Variants in XYLT1 observed in about 807,000 individuals in gnomAD.
XYLT1 encodes beta-D-xylosyltransferase 1.
In XYLT1, 36 loss-of-function variants were observed where a neutral mutation model predicts 91.3. The ratio of observed to expected loss-of-function variants is 0.39; its 90% CI spans 0.30 to 0.52. XYLT1 has a LOEUF of 0.52. Among genes scored for constraint, XYLT1 ranks in the 20% least tolerant of loss-of-function variants. The probability of loss-of-function intolerance (pLI) is 0.68; values close to 1 mark genes in which losing one functional copy is unlikely to be tolerated. For synonymous variants in XYLT1, 588 were observed against 532.0 expected (o/e 1.11, Z -1.45); for missense variants, 1,242 against 1,284.5 (o/e 0.97, Z 0.51).
rs1217863149 is a variant in XYLT1 at position 17,108,750 on chromosome 16, C to A, written c.2825G>T (p.Ser942Ile). 1.2e-6 allele frequency: 2 copies of A among 1,605,964 alleles called. No homozygotes were observed. The highest frequency in any genetic ancestry group is 1.7e-6 in the Non-Finnish European group (2 of 1,178,728). The change falls in exon 12 of 12, where the codon AGC becomes ATC. Residue 942 changes from serine (S) to isoleucine (I), a missense_variant. By Grantham distance (142) the Ser-to-Ile change is moderately radical. Coordinates refer to ENST00000261381, the MANE Select transcript of XYLT1 (RefSeq NM_022166.4). ...CCCCAGCTCCGACTTGGGGTCAGGG[C>A]TGAAGGAGCTCCAGGCCGTCTGGCT... ...TCSQTAWSSF[S>I]PDPKSELGAV...
rs377097003 is a variant in XYLT1, at chr16:17,138,493, G to A, written c.1626C>T (p.Cys542=). 552 of 1,614,092 alleles carry A rather than the reference G, an allele frequency of 3.4e-4. 6 individuals carry two copies. In the South Asian group the frequency reaches 4.7e-3, roughly 14 times the overall value. The change falls in exon 8 of 12, where the codon TGC becomes TGT. Residue 542 remains cysteine (C), a synonymous_variant. Transcript: ENST00000261381. ...FHTVLENSPH[C]DTMVDNNLRI... is the part of the protein sequence containing the mutation. ...GCAGGTTGTTGTCCACCATGGTGTCGCAGTGGGGGCTGTTCTCCAGGACCG... is the reference window on the plus strand; with the variant it reads ...GCAGGTTGTTGTCCACCATGGTGTCACAGTGGGGGCTGTTCTCCAGGACCG...
intron 1 of XYLT1, among the ~76,000 whole-genome samples, chr16:17,378,126 C>T (rs900784001): frequency 2.6e-5 from 4 of 151,926 alleles, no homozygotes; most frequent in Admixed American, 1.3e-4. Context: ...AATAAATGTT[C>T]GAGAATGAAA....
chr16:17,310,624 G>A (rs1489082721), intron 2 of XYLT1, among the ~76,000 whole-genome samples: 1 of 152,206 alleles, frequency 6.6e-6, no homozygotes, highest in Non-Finnish European at 1.5e-5. Context: ...GCCAGGGCAG[G>A]TGGATCATGA....
At position 17,307,767 on chromosome 16, in the gene XYLT1, C is replaced by T. The variant is rs1305674969; in HGVS notation, c.403-48269G>A. On this transcript the variant is annotated intron_variant, in intron 2 of 11. Coordinates refer to ENST00000261381, the MANE Select transcript of XYLT1 (RefSeq NM_022166.4). Reference sequence around the variant, plus strand: ...TCCATACCCAGGGCCTTCCTGCACCCCAGGAGGCAGAGTCTATAAATGGAA... The same window carrying T: ...TCCATACCCAGGGCCTTCCTGCACCTCAGGAGGCAGAGTCTATAAATGGAA... 7.2e-5 allele frequency among the ~76,000 whole-genome samples: 11 copies of T among 152,144 alleles called. No homozygotes were observed. In the East Asian group the frequency reaches 2.1e-3, roughly 29 times the overall value.
At chr16:17,230,277 C>G (rs1012251948) in intron 3 of XYLT1, among the ~76,000 whole-genome samples, 3 of 152,172 alleles carry the variant, frequency 2.0e-5, no homozygotes, top group African/African-American at 7.2e-5. Context: ...CCCAACTGTC[C>G]TTCCCATGAT....
chr16:17,308,469 C>T (rs2034498809), intron 2 of XYLT1, among the ~76,000 whole-genome samples: 1 of 152,210 alleles, frequency 6.6e-6, no homozygotes, highest in Non-Finnish European at 1.5e-5. Context: ...TTCCTCTCCT[C>T]ACCCAGCTCC....
chr16:17,211,587 T>A (rs2032758067), intron 3 of XYLT1, among the ~76,000 whole-genome samples: 1 of 152,154 alleles, frequency 6.6e-6, no homozygotes, highest in Admixed American at 6.5e-5. Flanking sequence ...TTATCCCCAT[T>A]TATAGATAAT....
intron 3 of XYLT1, among the ~76,000 whole-genome samples, chr16:17,225,470 G>A (rs956739916): frequency 2.6e-5 from 4 of 152,230 alleles, no homozygotes; most frequent in East Asian, 3.9e-4. Context: ...AGCAGACCCT[G>A]CTGGTCTGGC....
intron 1 of XYLT1, among the ~76,000 whole-genome samples, chr16:17,435,784 A>G (rs1327554095): frequency 6.6e-6 from 1 of 152,204 alleles, no homozygotes; most frequent in African/African-American, 2.4e-5. Flanking sequence ...CTTTATTTTC[A>G]TCTTACATCA....
rs956965696 is a variant in XYLT1, at chr16:17,138,485, A to G, written c.1634T>C (p.Met545Thr). 2.5e-6 allele frequency: 4 copies of G among 1,614,078 alleles called. No individual in the cohort carries two copies. Among genetic ancestry groups the G allele is most frequent in the Admixed American group, 3.3e-5 (2 of 60,022 alleles). Residue 545 changes from methionine (M) to threonine (T), a missense_variant, in exon 8 of 12, where the codon ATG (methionine) becomes ACG (threonine). Physicochemically the swap from Met to Thr is moderately conservative, Grantham distance 81 (BLOSUM62 -1). Transcript: ENST00000261381. ...VLENSPHCDT[M>T]VDNNLRITNW... ...GGTGATGCGCAGGTTGTTGTCCACC[A>G]TGGTGTCGCAGTGGGGGCTGTTCTC...
At position 17,270,125 on chromosome 16, in the gene XYLT1, T is replaced by C. The variant is rs185224803; in HGVS notation, c.403-10627A>G. Reference sequence around the variant, plus strand: ...ACCGCACTCTGCTTCCTTCTCTCTTTAAAACACCCAGTCACCTCTGAACAA... The same window carrying C: ...ACCGCACTCTGCTTCCTTCTCTCTTCAAAACACCCAGTCACCTCTGAACAA... On this transcript the variant is annotated intron_variant, in intron 2 of 11. Transcript: ENST00000261381. Among the ~76,000 whole-genome samples, 255 of 152,360 alleles carry C rather than the reference T, an allele frequency of 1.7e-3. 1 individual carries two copies. The highest frequency in any genetic ancestry group is 9.1e-4 in the Non-Finnish European group (62 of 68,030).
At chr16:17,240,567 T>C (rs375983194) in intron 3 of XYLT1, among the ~76,000 whole-genome samples, 8 of 152,160 alleles carry the variant, frequency 5.3e-5, no homozygotes, top group Admixed American at 3.3e-4. Flanking sequence ...AGCAGTGATA[T>C]TCAGGATGTA....
In XYLT1 at chr16:17,415,151, A is replaced by G. The variant is rs916417903; in HGVS notation, c.363+55283T>C. Among the ~76,000 whole-genome samples, 3 of 152,114 alleles carry G rather than the reference A, an allele frequency of 2.0e-5. No homozygotes were observed. In the East Asian group the frequency reaches 5.8e-4, roughly 29 times the overall value. Reference sequence around the variant, plus strand: ...GTTAAGCAGGTTTCCCCCAAAACACAAAGCTGGAATTGGTGCGTGCAGCCA... The same window carrying G: ...GTTAAGCAGGTTTCCCCCAAAACACGAAGCTGGAATTGGTGCGTGCAGCCA... On this transcript the variant is annotated intron_variant, in intron 1 of 11. Coordinates refer to ENST00000261381, the MANE Select transcript of XYLT1 (RefSeq NM_022166.4).
intron 3 of XYLT1, among the ~76,000 whole-genome samples, chr16:17,241,934 G>A (rs889764297): frequency 1.1e-4 from 16 of 152,202 alleles, no homozygotes; most frequent in African/African-American, 3.6e-4. Flanking sequence ...GTTCCATGTG[G>A]CGGGGAAGAC....
chr16:17,288,305 G>A (rs2034171998), intron 2 of XYLT1, among the ~76,000 whole-genome samples: 2 of 151,310 alleles, frequency 1.3e-5, no homozygotes, highest in African/African-American at 4.9e-5. Flanking sequence ...CAGTGTCCAA[G>A]CAGAGAGGCT....
At chr16:17,415,694 A>T (rs1440189305) in intron 1 of XYLT1, among the ~76,000 whole-genome samples, 1 of 152,150 alleles carries the variant, frequency 6.6e-6, no homozygotes, top group Non-Finnish European at 1.5e-5. Flanking sequence ...TCTGTCTCAA[A>T]AAAAGGAAAA....
At chr16:17,124,336 T>C (rs1355724176) in intron 10 of XYLT1, among the ~76,000 whole-genome samples, 1 of 152,216 alleles carries the variant, frequency 6.6e-6, no homozygotes, top group Non-Finnish European at 1.5e-5. Context: ...GTGAATTATC[T>C]TAGCATTTTT....
intron 2 of XYLT1, among the ~76,000 whole-genome samples, chr16:17,306,212 T>C (rs991906307): frequency 3.9e-5 from 6 of 151,908 alleles, no homozygotes; most frequent in Non-Finnish European, 8.8e-5. Flanking sequence ...AGAATGCAAA[T>C]ATAAGCGGTT....
At chr16:17,439,637 T>G (rs1430797162) in intron 1 of XYLT1, among the ~76,000 whole-genome samples, 1 of 152,228 alleles carries the variant, frequency 6.6e-6, no homozygotes, top group African/African-American at 2.4e-5. Flanking sequence ...ACTGTTGTAA[T>G]CCGGCTAGAA....
Sources: gnomAD v4.1 joint callset for allele counts (sites outside exome capture counted in the v4.1 genomes callset) on GRCh38, gnomAD v4.1.1 for gene constraint, MANE v1.5 for transcripts, NCBI Gene and HGNC (gene_info 2026-07-23, HGNC 2026-07-21) for gene names.